The following SOX5 variants were observed in gnomAD, a reference collection of about 807,000 sequenced individuals.
SOX5 encodes the protein SRY-box transcription factor 5, also known as transcription factor SOX-5.
A neutral mutation model predicts 92.0 loss-of-function variants in SOX5; 9 were observed. The observed-to-expected ratio is 0.10, with a 90% CI of 0.06 to 0.17. The LOEUF (loss-of-function observed/expected upper bound fraction) is 0.17, where lower values mean the gene tolerates loss of function less well. Ranked by LOEUF, SOX5 falls within the 10% of genes least tolerant of loss-of-function variation. The probability of loss-of-function intolerance (pLI) is 1.00; values close to 1 mark genes in which losing one functional copy is unlikely to be tolerated. For missense variants in SOX5, 642 were observed against 944.5 expected (o/e 0.68, Z 4.20); for synonymous variants, 344 against 336.3 (o/e 1.02, Z -0.25).
chr12:24,262,662 C>T (rs977043160), intron 3 of SOX5, among the ~76,000 whole-genome samples: 1 of 152,172 alleles, frequency 6.6e-6, no homozygotes, highest in Non-Finnish European at 1.5e-5. Flanking sequence ...TTGCATTCTT[C>T]CTTTCACTGG....
chr12:23,674,844 T>C (rs958117417), intron 6 of SOX5, among the ~76,000 whole-genome samples: 3 of 151,900 alleles, frequency 2.0e-5, no homozygotes, highest in African/African-American at 7.2e-5. Context: ...ATATATTACT[T>C]TAACCATCTG....
chr12:24,216,727 G>C (rs140782498), intron 3 of SOX5, among the ~76,000 whole-genome samples: 4 of 152,242 alleles, frequency 2.6e-5, no homozygotes, highest in African/African-American at 9.6e-5. Context: ...AGGAGTTTAA[G>C]ACCAGCCCTG....
chr12:23,622,768 A>C (rs1227221903), intron 8 of SOX5, among the ~76,000 whole-genome samples: 1 of 152,156 alleles, frequency 6.6e-6, no homozygotes, highest in East Asian at 1.9e-4. Context: ...TAATTGGTAA[A>C]TATTATTACT....
At chr12:23,783,421 T>G (rs1031281386) in intron 3 of SOX5, among the ~76,000 whole-genome samples, 2 of 152,188 alleles carry the variant, frequency 1.3e-5, no homozygotes, top group Non-Finnish European at 2.9e-5. Flanking sequence ...ATAATTTTGT[T>G]TGACCAGAAA....
chr12:23,563,818 G>A (rs1946621631), intron 10 of SOX5, among the ~76,000 whole-genome samples: 1 of 152,066 alleles, frequency 6.6e-6, no homozygotes, highest in African/African-American at 2.4e-5. Flanking sequence ...TTATGACTAT[G>A]ATTATTGAGT....
intron 6 of SOX5, among the ~76,000 whole-genome samples, chr12:23,726,930 A>G (rs1370386073): frequency 6.6e-6 from 1 of 152,192 alleles, no homozygotes; most frequent in Admixed American, 6.6e-5. Flanking sequence ...GACCACAGCA[A>G]CGCTAACCAA....
At chr12:24,418,168 C>T (rs1464375094) in intron 1 of SOX5, among the ~76,000 whole-genome samples, 3 of 149,700 alleles carry the variant, frequency 2.0e-5, no homozygotes, top group Admixed American at 6.7e-5. Flanking sequence ...AATAAAAATA[C>T]ATTCACAAAT....
At chr12:23,995,954 G>T (rs1950993400) in intron 4 of SOX5, among the ~76,000 whole-genome samples, 2 of 152,120 alleles carry the variant, frequency 1.3e-5, no homozygotes, top group South Asian at 4.1e-4. Context: ...ATATATGTCA[G>T]CTCACATTAT....
intron 12 of SOX5, 119 bp from the exon 13 acceptor site, chr12:23,543,503 T>A: frequency 1.4e-6 from 1 of 701,690 alleles, no homozygotes; most frequent in Non-Finnish European, 2.4e-6. Context: ...CTGATAATGG[T>A]ACTTCCAGTT....
intron 3 of SOX5, among the ~76,000 whole-genome samples, chr12:23,789,513 C>T (rs906379658): frequency 6.6e-6 from 1 of 152,012 alleles, no homozygotes; most frequent in African/African-American, 2.4e-5. Context: ...GATATTCTTT[C>T]AATTGAAGTA....
At chr12:23,826,259 G>A (rs2096232147) in intron 3 of SOX5, among the ~76,000 whole-genome samples, 1 of 149,400 alleles carries the variant, frequency 6.7e-6, no homozygotes, top group Non-Finnish European at 1.5e-5. Context: ...CCACCTATGA[G>A]TGAGATCATG....
intron 7 of SOX5, among the ~76,000 whole-genome samples, chr12:23,641,487 T>C (rs949932175): frequency 1.3e-5 from 2 of 152,172 alleles, no homozygotes; most frequent in African/African-American, 2.4e-5. Flanking sequence ...CAAAACTATA[T>C]TGTAATGAAA....
intron 4 of SOX5, among the ~76,000 whole-genome samples, chr12:24,144,825 T>C (rs1950914129): frequency 6.7e-6 from 1 of 148,328 alleles, no homozygotes; most frequent in Non-Finnish European, 1.5e-5. Flanking sequence ...CAAGACCCTG[T>C]CTCAAAAAAA....
At chr12:24,356,035 A>AG (rs11382570) in intron 2 of SOX5, among the ~76,000 whole-genome samples, 2,520 of 152,282 alleles carry the variant, frequency 0.017, 72 homozygotes, top group African/African-American at 0.058. Context: ...AGGATAAAAA[A>AG]GGGGAGATAT....
chr12:24,557,793 T>C (rs761831048), intron 1 of SOX5, among the ~76,000 whole-genome samples: 4 of 152,194 alleles, frequency 2.6e-5, no homozygotes, highest in Non-Finnish European at 5.9e-5. Context: ...TAATGAACTT[T>C]AAGAAATAGA....
intron 4 of SOX5, among the ~76,000 whole-genome samples, chr12:24,112,368 T>C (rs1369398545): frequency 6.6e-6 from 1 of 152,104 alleles, no homozygotes; most frequent in East Asian, 1.9e-4. Flanking sequence ...AAAGTTAAAG[T>C]GGTTCCAACA....
At chr12:24,256,778 G>C (rs999845564) in intron 3 of SOX5, among the ~76,000 whole-genome samples, 3 of 152,244 alleles carry the variant, frequency 2.0e-5, no homozygotes, top group Admixed American at 6.5e-5. Context: ...CACACACACA[G>C]AGCATAAACC....
Position 24,393,508 on chromosome 12 carries a change from G to A in SOX5, c.-250-24869C>T, listed in dbSNP as rs1959182232. 6.6e-6 allele frequency among the ~76,000 whole-genome samples: 1 copy of A among 152,058 alleles called. No individual in the cohort carries two copies. The highest frequency in any genetic ancestry group is 2.4e-5 in the African/African-American group (1 of 41,382). ...TCTACCACCCACCCCAAAATAAGTA[G>A]GTATCTGAATAATGAGATCTGTAAA... is the stretch of plus-strand genomic sequence containing the variant. On this transcript the variant is annotated intron_variant, in intron 1 of 4. Coordinates refer to the SOX5 transcript ENST00000446891. The surrounding 1 kb of genome is among the most constrained non-coding windows in gnomAD (Gnocchi z 5.0).
intron 4 of SOX5, among the ~76,000 whole-genome samples, chr12:23,957,685 C>T (rs1003242459): frequency 1.3e-5 from 2 of 152,050 alleles, no homozygotes; most frequent in Non-Finnish European, 2.9e-5. Flanking sequence ...TTTTTTCATG[C>T]TGTTGTTAAT....
Sources: allele counts gnomAD v4.1 joint callset (sites outside exome capture counted in the v4.1 genomes callset), GRCh38; gene constraint gnomAD v4.1.1; non-coding constraint Gnocchi (gnomAD v3.1); transcripts MANE v1.5; gene names NCBI Gene and HGNC (gene_info 2026-07-23, HGNC 2026-07-21).